Variants in FASN observed in about 807,000 individuals in gnomAD.
FASN encodes fatty acid synthase, also known as 3-hydroxyacyl-[acyl-carrier-protein] dehydratase.
FASN carries 50 observed loss-of-function variants against 250.0 expected under a neutral mutation model. The ratio of observed to expected loss-of-function variants is 0.20; its 90% CI spans 0.16 to 0.25. The LOEUF is 0.25. Among genes scored for constraint, FASN ranks in the 10% least tolerant of loss-of-function variants. FASN has a pLI of 1.00. For missense variants in FASN, 3,031 were observed against 3,498.5 expected, an observed-to-expected ratio of 0.87 and a Z score of 3.37; for synonymous variants, 1,909 against 1,584.0, an observed-to-expected ratio of 1.21 and a Z score of -4.87.
rs1436120520 is a variant in FASN, at chr17:82,078,946, TG to T, written c.*196del. On this transcript the variant is annotated 3_prime_UTR_variant, in exon 43 of 43. Coordinates refer to ENST00000306749, the MANE Select transcript of FASN (RefSeq NM_004104.5). This position sits in a 1 kb window ranked among gnomAD's most constrained non-coding sequence, Gnocchi z 5.4. ...GGAGTCTCCAAGTCGGCAGCTCTGG[TG>T]TCCCCGAGGTGCCGTGGGAGGCGGC... is the stretch of plus-strand genomic sequence containing the variant. The T allele has an allele frequency of 1.5e-6, 1 of 667,886 alleles. No homozygotes were observed. Among genetic ancestry groups the T allele is most frequent in the Non-Finnish European group, 2.6e-6 (1 of 389,046 alleles). 41.4% of individuals were successfully genotyped at this position (667,886 alleles called of 1,614,324 possible).
At chr17:82,095,140 A>C (rs2034282063) in intron 3 of FASN, among the ~76,000 whole-genome samples, 180 bp downstream of exon 3, 2 of 152,198 alleles carry the variant, frequency 1.3e-5, no homozygotes, top group African/African-American at 4.8e-5. Context: ...TGCAGTTGGG[A>C]AACTGCGGCC....
Position 82,092,440 on chromosome 17 carries a change from C to CCCAGCCCCACCTACCTTGGCCAGGGCTG in FASN, c.1016_1029+14dup. On this transcript the variant is annotated intron_variant, in intron 8 of 42. Transcript: ENST00000306749. ...AGCAGGAGCCTGAGGGACCCCCAAG[C>CCCAGCCCCACCTACCTTGGCCAGGGCTG]CCAGCCCCACCTACCTTGGCCAGGG... The CCCAGCCCCACCTACCTTGGCCAGGGCTG allele has an allele frequency of 6.4e-7, 1 of 1,560,178 alleles. No homozygotes were observed. The highest frequency in any genetic ancestry group is 8.7e-7 in the Non-Finnish European group (1 of 1,155,588).
chr17:82,096,309 A>C lies in FASN; in HGVS notation c.127+10T>G. On this transcript the variant is annotated intron_variant, in intron 2 of 42. Transcript: ENST00000306749. ...ACACCCCAGGCACGGGGAGCCCCGC[A>C]GCCACATACCCGCCTTCCAGCGACG... 1 of 1,612,114 alleles carries C rather than the reference A, an allele frequency of 6.2e-7. No individual in the cohort carries two copies. Among genetic ancestry groups the C allele is most frequent in the Non-Finnish European group, 8.5e-7 (1 of 1,179,924 alleles).
chr17:82,083,294 G>A lies in FASN; in HGVS notation c.5473C>T (p.Pro1825Ser), dbSNP rs1309861155. ...CCATGGAACACCGTGCACTTGAGGGGCCGTACCACCCCATCCCGGATGCCG... is the reference window on the plus strand; with the variant it reads ...CCATGGAACACCGTGCACTTGAGGGACCGTACCACCCCATCCCGGATGCCG... The part of the protein sequence containing the change: ...QAGIRDGVVR[P>S]LKCTVFHGAQ... Residue 1825 changes from proline to serine, a missense_variant, in exon 32 of 43, where the codon CCC becomes TCC. Transcript: ENST00000306749. 1 of 1,612,760 alleles carries A rather than the reference G, an allele frequency of 6.2e-7. No homozygotes were observed. The highest frequency in any genetic ancestry group is 1.7e-5 in the Admixed American group (1 of 60,026).
chr17:82,090,962 C>T lies in FASN; in HGVS notation c.1600G>A (p.Val534Met). The T allele has an allele frequency of 1.2e-6, 2 of 1,612,898 alleles. No individual in the cohort carries two copies. Among genetic ancestry groups the T allele is most frequent in the Middle Eastern group, 1.6e-4 (1 of 6,062 alleles). Reference sequence around the variant, plus strand: ...TCTGTGCTCAGCAGCAGCTGTGACACCTTCAGGCCGAATGGCTTCACAGCC... The same window carrying T: ...TCTGTGCTCAGCAGCAGCTGTGACATCTTCAGGCCGAATGGCTTCACAGCC... ...DEAVKPFGLK[V>M]SQLLLSTDES... Residue 534 changes from valine (V) to methionine (M), a missense_variant, in exon 10 of 43, where the codon GTG (valine) becomes ATG (methionine). Coordinates refer to ENST00000306749, the MANE Select transcript of FASN (RefSeq NM_004104.5).
Position 82,084,006 on chromosome 17 carries a change from G to A in FASN, c.5067C>T (p.Leu1689=), listed in dbSNP as rs1555666767. 6.5e-7 allele frequency: 1 copy of A among 1,539,174 alleles called. No homozygotes were observed. Among genetic ancestry groups the A allele is most frequent in the Non-Finnish European group, 8.7e-7 (1 of 1,145,404 alleles). The change falls in exon 29 of 43, where the codon CTC becomes CTT. Residue 1689 remains leucine (L), a synonymous_variant. Transcript: ENST00000306749. The part of the protein sequence containing the change: ...GVGQAAIAIA[L]SLGCRVFTTV... Reference sequence around the variant, plus strand: ...TGGTGAAGACGCGGCAGCCCAGACTGAGGGCGATGGCGATGGCGGCCTGGC... The same window carrying A: ...TGGTGAAGACGCGGCAGCCCAGACTAAGGGCGATGGCGATGGCGGCCTGGC...
chr17:82,093,149 G>C, intron 5 of FASN, 70 bp downstream of exon 5: 3 of 1,535,406 alleles, frequency 2.0e-6, no homozygotes, highest in African/African-American at 1.4e-5. Flanking sequence ...CCTGCTCAGC[G>C]TGGGGACTGT....
Position 82,084,574 on chromosome 17 carries a change from G to A in FASN, c.4707C>T (p.Ala1569=), listed in dbSNP as rs1287123392. Residue 1569 remains alanine, a synonymous_variant, in exon 27 of 43, where the codon GCC becomes GCT. Coordinates refer to ENST00000306749, the MANE Select transcript of FASN (RefSeq NM_004104.5). ...GCATGATGTCGCGGAAGTTGAGGGA[G>A]GCGTAGTAGACCGTGCAGAGCTGGG... ...PGAQLCTVYY[A]SLNFRDIMLA... 1 of 1,611,632 alleles carries A rather than the reference G, an allele frequency of 6.2e-7. No individual in the cohort carries two copies.
chr17:82,083,791 C>T lies in FASN; in HGVS notation c.5199G>A (p.Leu1733=), dbSNP rs889499114. ...ACTCACCCTTCCCGCCCGTGTGCCA[C>T]AGCACATGCTGCTCGAAGGATGTGT... ...SRDTSFEQHV[L]WHTGGKGVDL... Residue 1733 remains leucine, a synonymous_variant, in exon 30 of 43, where the codon CTG becomes CTA. Transcript: ENST00000306749. The T allele has an allele frequency of 6.2e-7, 1 of 1,611,486 alleles. No individual in the cohort carries two copies. Among genetic ancestry groups the T allele is most frequent in the Admixed American group, 1.7e-5 (1 of 59,886 alleles).
Position 82,084,754 on chromosome 17 carries a change from C to A in FASN, c.4565-38G>T, listed in dbSNP as rs200746610. 1.3e-4 allele frequency: 204 copies of A among 1,550,044 alleles called. No homozygotes were observed. The African/African-American group carries it at 2.5e-3, about 19-fold the overall frequency. On this transcript the variant is annotated intron_variant, in intron 26 of 42. Transcript: ENST00000306749. ...GGAGGTGGGGCTGCTGCGGGGCCTT[C>A]GGGTGCAGTCTCCCGGGAGGGGCAG... is the stretch of plus-strand genomic sequence containing the variant.
In FASN at chr17:82,083,130, C is replaced by T; in HGVS notation, c.5566-15G>A. 4 of 1,610,204 alleles carry T rather than the reference C, an allele frequency of 2.5e-6. No individual in the cohort carries two copies. Among genetic ancestry groups the T allele is most frequent in the Admixed American group, 1.7e-5 (1 of 60,006 alleles). Reference sequence around the variant, plus strand: ...TCCGCAAGCACCTGCGTCCAAGCAGCACCCACCGGCTCAGGCACTGCCTGG... The same window carrying T: ...TCCGCAAGCACCTGCGTCCAAGCAGTACCCACCGGCTCAGGCACTGCCTGG... On this transcript the variant is annotated splice_polypyrimidine_tract_variant and intron_variant, in intron 32 of 42. Transcript: ENST00000306749.
chr17:82,083,927 G>A, intron 29 of FASN, 36 bp from the exon 30 acceptor site: 1 of 1,550,804 alleles, frequency 6.4e-7, no homozygotes, highest in Non-Finnish European at 8.7e-7. Flanking sequence ...GTGAGCCAGG[G>A]CGGCGGGGCC....
At position 82,083,829 on chromosome 17, in the gene FASN, C is replaced by G; in HGVS notation, c.5161G>C (p.Ala1721Pro). 6.2e-7 allele frequency: 1 copy of G among 1,604,874 alleles called. No individual in the cohort carries two copies. The highest frequency in any genetic ancestry group is 8.5e-7 in the Non-Finnish European group (1 of 1,176,842). ...TCGAAGGATGTGTCCCGGGAGTTGG[C>G]GAAGCTGGTGCTGTCGAGCTGGGGG... is the stretch of plus-strand genomic sequence containing the variant. ...RFPQLDSTSF[A>P]NSRDTSFEQH... The change falls in exon 30 of 43, where the codon GCC becomes CCC. Residue 1721 changes from alanine (A) to proline (P), a missense_variant. Physicochemically the swap from Ala to Pro is conservative, Grantham distance 27 (BLOSUM62 -1). Coordinates refer to ENST00000306749, the MANE Select transcript of FASN (RefSeq NM_004104.5).
rs115002870 is a variant in FASN at position 82,094,513 on chromosome 17, G to A, written c.281-742C>T. Among the ~76,000 whole-genome samples, 1,213 of 152,170 alleles carry A rather than the reference G, an allele frequency of 8.0e-3. 19 individuals are homozygous for A. Among genetic ancestry groups the A allele is most frequent in the African/African-American group, 0.028 (1,176 of 41,528 alleles). On this transcript the variant is annotated intron_variant, in intron 3 of 42. Coordinates refer to ENST00000306749, the MANE Select transcript of FASN (RefSeq NM_004104.5). ...CTGGATCTTAAGAAATGGCATGGCT[G>A]GGCGTGGTGGCTCATGCCTGTAATC...
Position 82,083,647 on chromosome 17 carries a change from GC to G in FASN, c.5219-9del. On this transcript the variant is annotated splice_polypyrimidine_tract_variant and intron_variant, in intron 30 of 42. Coordinates refer to ENST00000306749, the MANE Select transcript of FASN (RefSeq NM_004104.5). ...TCAAGACCAGGTCAACGCCTAGGGG[GC>G]CAGAGGGGCCAGACAATCACACCCA... 6.2e-7 allele frequency: 1 copy of G among 1,604,226 alleles called. No individual in the cohort carries two copies. Among genetic ancestry groups the G allele is most frequent in the South Asian group, 1.1e-5 (1 of 89,652 alleles).
rs2034336863 is a variant in FASN at position 82,098,214 on chromosome 17, G to C, written c.-101C>G. The C allele has an allele frequency of 2.7e-6, 1 of 368,580 alleles. No homozygotes were observed. Among genetic ancestry groups the C allele is most frequent in the Admixed American group, 4.6e-5 (1 of 21,628 alleles). The allele number at this position is 368,580 out of a possible 1,614,324, so 22.8% of individuals were successfully genotyped here. On this transcript the variant is annotated 5_prime_UTR_variant, in exon 1 of 43. Transcript: ENST00000306749. Reference sequence around the variant, plus strand: ...GAAGCGCGGCGGAGAGGGAGGCCGGGGCCGCTGCCGTCTCTCTGGCTCCCT... The same window carrying C: ...GAAGCGCGGCGGAGAGGGAGGCCGGCGCCGCTGCCGTCTCTCTGGCTCCCT...
chr17:82,096,283 C>T, intron 2 of FASN, 36 bp downstream of exon 2: 2 of 1,609,296 alleles, frequency 1.2e-6, no homozygotes, highest in Non-Finnish European at 8.5e-7. Flanking sequence ...GATGGAGCTT[C>T]ACACCCCAGG....
chr17:82,089,238 G>A lies in FASN; in HGVS notation c.2100+12C>T, dbSNP rs376057375. ...TGGCCCGCCCCGCACCCCCCAGGCC[G>A]TATTAGTCCACCTTCTTGAGCTCCT... On this transcript the variant is annotated intron_variant, in intron 13 of 42. Transcript: ENST00000306749. 2.6e-5 allele frequency: 42 copies of A among 1,611,956 alleles called. No individual in the cohort carries two copies. The highest frequency in any genetic ancestry group is 1.1e-4 in the East Asian group (5 of 44,846).
Position 82,080,354 on chromosome 17 carries a change from C to T in FASN, c.7047+16G>A, listed in dbSNP as rs748322623. The T allele has an allele frequency of 6.2e-7, 1 of 1,604,850 alleles. No homozygotes were observed. Among genetic ancestry groups the T allele is most frequent in the South Asian group, 1.1e-5 (1 of 90,172 alleles). On this transcript the variant is annotated intron_variant, in intron 40 of 42. Transcript: ENST00000306749. ...AGACGTTTGCCGTAGGCCTCTAGGA[C>T]CAGCCTGGCTCTCACCTGGGTGTAG...
Sources: allele counts gnomAD v4.1 joint callset (sites outside exome capture counted in the v4.1 genomes callset), GRCh38; gene constraint gnomAD v4.1.1; non-coding constraint Gnocchi (gnomAD v3.1); transcripts MANE v1.5; gene names NCBI Gene and HGNC (gene_info 2026-07-23, HGNC 2026-07-21).